Variants in LARP1B observed in about 807,000 individuals in gnomAD.
The protein encoded by LARP1B is la-related protein 1B.
A neutral mutation model predicts 114.2 loss-of-function variants in LARP1B; 76 were observed. That is an observed-to-expected ratio of 0.67 (90% CI 0.55 to 0.81). The LOEUF is 0.81. LARP1B is among the 30% of genes least tolerant of loss of function. LARP1B has a pLI of 0.00. For synonymous variants in LARP1B, 345 were observed against 348.0 expected, an observed-to-expected ratio of 0.99 and a Z score of 0.10; for missense variants, 1,014 against 1,075.8, an observed-to-expected ratio of 0.94 and a Z score of 0.80.
chr4:128,129,100 G>A (rs1256828831), intron 11 of LARP1B, among the ~76,000 whole-genome samples: 1 of 147,664 alleles, frequency 6.8e-6, no homozygotes. Context: ...GGGAGGCGGA[G>A]CTTGCAGTGA....
chr4:128,138,619 G>C (rs1298504150), intron 11 of LARP1B, among the ~76,000 whole-genome samples: 2 of 152,122 alleles, frequency 1.3e-5, no homozygotes, highest in Non-Finnish European at 2.9e-5. Context: ...TAAGAAATTA[G>C]AATTCATGAG....
At chr4:128,183,758 C>T (rs1749374132) in intron 15 of LARP1B, among the ~76,000 whole-genome samples, 1 of 152,170 alleles carries the variant, frequency 6.6e-6, no homozygotes, top group African/African-American at 2.4e-5. Context: ...AAATTGAAAA[C>T]ATTCTGGAGA....
chr4:128,210,779 C>A lies in LARP1B; in HGVS notation c.*726C>A. On this transcript the variant is annotated 3_prime_UTR_variant, in exon 20 of 20. Coordinates refer to ENST00000326639, the MANE Select transcript of LARP1B (RefSeq NM_018078.4). ...TGGAGTTTTCTGAATTGGCTATAAG[C>A]TGATTACATATTAGAGGTTTATTTT... 1.0e-6 allele frequency: 1 copy of A among 983,858 alleles called. No homozygotes were observed. The highest frequency in any genetic ancestry group is 1.2e-6 in the Non-Finnish European group (1 of 828,552). 60.9% of individuals were successfully genotyped at this position (983,858 alleles called of 1,614,324 possible).
At chr4:128,168,638 A>G (rs554942165) in intron 12 of LARP1B, among the ~76,000 whole-genome samples, 2 of 152,196 alleles carry the variant, frequency 1.3e-5, no homozygotes, top group East Asian at 3.9e-4. Flanking sequence ...TTGGTTTTCA[A>G]ATGTTGAACT....
chr4:128,095,666 C>G (rs1341215734), intron 7 of LARP1B, among the ~76,000 whole-genome samples: 5 of 151,970 alleles, frequency 3.3e-5, no homozygotes, highest in Non-Finnish European at 7.4e-5. Context: ...TTTTCTTCCC[C>G]TTCAGTAAAA....
intron 3 of LARP1B, among the ~76,000 whole-genome samples, chr4:128,076,543 G>T (rs1767962772): frequency 1.3e-5 from 2 of 152,040 alleles, no homozygotes; most frequent in African/African-American, 4.8e-5. Context: ...TTACGTTTTG[G>T]TTGATACAAA....
intron 10 of LARP1B, among the ~76,000 whole-genome samples, chr4:128,117,812 A>G (rs566815163): frequency 1.3e-4 from 19 of 151,518 alleles, no homozygotes; most frequent in African/African-American, 4.6e-4. Context: ...GAACCACCAC[A>G]CCTGGCCTTG....
intron 18 of LARP1B, among the ~76,000 whole-genome samples, chr4:128,207,025 A>G (rs781112098): frequency 6.6e-6 from 1 of 152,200 alleles, no homozygotes. Flanking sequence ...TGGGTTGTAT[A>G]TGGTTCAAAT....
intron 19 of LARP1B, among the ~76,000 whole-genome samples, chr4:128,209,565 A>C (rs540015409): frequency 1.2e-4 from 18 of 152,310 alleles, no homozygotes; most frequent in Admixed American, 5.9e-4. Flanking sequence ...GTTAGGAAGG[A>C]AATTTAAGTT....
rs1257489575 is a variant in LARP1B, at chr4:128,077,841, A to G, written c.96A>G (p.Lys32=). 8 of 1,610,014 alleles carry G rather than the reference A, an allele frequency of 5.0e-6. No homozygotes were observed. The highest frequency in any genetic ancestry group is 5.9e-6 in the Non-Finnish European group (7 of 1,178,568). The change falls in exon 4 of 20, where the codon AAA becomes AAG. Residue 32 remains lysine, a synonymous_variant. Coordinates refer to ENST00000326639, the MANE Select transcript of LARP1B (RefSeq NM_018078.4). ...AAAAGCCACAAAATAGAAAAGAAAA[A>G]GAAGAGAAGGTTGAAAAGAGAAGTA... ...GNKKPQNRKE[K]EEKVEKRSNS... is the part of the protein sequence containing the mutation.
intron 10 of LARP1B, among the ~76,000 whole-genome samples, chr4:128,115,949 G>C (rs563733414): frequency 5.9e-5 from 9 of 152,344 alleles, no homozygotes; most frequent in African/African-American, 1.7e-4. Flanking sequence ...GTGAGCCTCT[G>C]CGGCCTGGCC....
chr4:128,203,658 G>A (rs1219017171), intron 17 of LARP1B, among the ~76,000 whole-genome samples: 4 of 152,132 alleles, frequency 2.6e-5, no homozygotes, highest in African/African-American at 7.2e-5. Flanking sequence ...ACAGGTGTGA[G>A]CCACTGTGGC....
At chr4:128,149,840 A>C (rs1731906533) in intron 11 of LARP1B, among the ~76,000 whole-genome samples, 1 of 152,116 alleles carries the variant, frequency 6.6e-6, no homozygotes, top group African/African-American at 2.4e-5. Context: ...GAAGTCCACT[A>C]GTGGTAATTT....
intron 15 of LARP1B, among the ~76,000 whole-genome samples, chr4:128,194,016 G>A (rs1417950230): frequency 6.6e-6 from 1 of 152,186 alleles, no homozygotes; most frequent in East Asian, 1.9e-4. Context: ...GTGCTAAGAA[G>A]TCCATCAAAG....
chr4:128,149,239 A>C (rs1007720664), intron 11 of LARP1B, among the ~76,000 whole-genome samples: 16 of 152,162 alleles, frequency 1.1e-4, no homozygotes, highest in African/African-American at 3.6e-4. Context: ...GCACTACAGT[A>C]CTCTGAAGAT....
intron 15 of LARP1B, among the ~76,000 whole-genome samples, chr4:128,180,261 T>C (rs766246634): frequency 3.3e-5 from 5 of 152,190 alleles, no homozygotes; most frequent in Non-Finnish European, 7.3e-5. Flanking sequence ...CTGTGTTTCT[T>C]AAAAACCATT....
At chr4:128,164,786 T>C (rs2150470574) in intron 12 of LARP1B, among the ~76,000 whole-genome samples, 1 of 152,104 alleles carries the variant, frequency 6.6e-6, no homozygotes, top group Non-Finnish European at 1.5e-5. Flanking sequence ...CTGTTGCAAA[T>C]GTTTACCAAG....
chr4:128,137,668 TTATA>T (rs1046259814), intron 11 of LARP1B, among the ~76,000 whole-genome samples: 3 of 151,788 alleles, frequency 2.0e-5, no homozygotes, highest in African/African-American at 7.3e-5. Flanking sequence ...TTAGGGTAAT[TTATA>T]TATCTATCAC....
At chr4:128,216,812 A>G (rs1292691473), downstream of LARP1B, among the ~76,000 whole-genome samples, 81 of 152,170 alleles carry the variant, frequency 5.3e-4, no homozygotes, top group Middle Eastern at 0.01. Context: ...AACTGAAGGA[A>G]ATAGAGACAC....
Sources: gnomAD v4.1 joint callset for allele counts (sites outside exome capture counted in the v4.1 genomes callset) on GRCh38, gnomAD v4.1.1 for gene constraint, MANE v1.5 for transcripts, NCBI Gene and HGNC (gene_info 2026-07-23, HGNC 2026-07-21) for gene names.